OTUD3: variants seen among roughly 807,000 people sequenced by gnomAD.
OTUD3 encodes the protein OTU domain-containing protein 3.
In OTUD3, 24 loss-of-function variants were observed where a neutral mutation model predicts 46.2. The observed-to-expected ratio is 0.52, with a 90% CI of 0.38 to 0.73. The LOEUF is 0.73. Ranked by LOEUF, OTUD3 falls within the 30% of genes least tolerant of loss-of-function variation. The pLI is 0.00. For synonymous variants in OTUD3, 189 were observed against 195.4 expected (o/e 0.97, Z 0.27); for missense variants, 455 against 523.3 (o/e 0.87, Z 1.27).
intron 4 of OTUD3, among the ~76,000 whole-genome samples, chr1:19,901,540 A>G (rs944093834): frequency 6.6e-6 from 1 of 152,200 alleles, no homozygotes; most frequent in Non-Finnish European, 1.5e-5. Flanking sequence ...ATAACATAAA[A>G]TTAATCATTT....
intron 1 of OTUD3, among the ~76,000 whole-genome samples, chr1:19,884,809 G>A (rs1299325202): frequency 6.6e-6 from 1 of 152,046 alleles, no homozygotes; most frequent in Non-Finnish European, 1.5e-5. Context: ...CCACATCTCC[G>A]GTCCCTTGAG....
At chr1:19,906,116 T>C (rs926237857) in intron 6 of OTUD3, among the ~76,000 whole-genome samples, 1 of 152,258 alleles carries the variant, frequency 6.6e-6, no homozygotes, top group Non-Finnish European at 1.5e-5. Context: ...GCCTGTTTCT[T>C]TTCTGGGTTT....
rs199722871 is a variant in OTUD3 at position 19,907,729 on chromosome 1, G to A, written c.1180G>A (p.Ala394Thr). Residue 394 changes from alanine to threonine, a missense_variant, in exon 8 of 8, where the codon GCC becomes ACC. Coordinates refer to ENST00000375120, the MANE Select transcript of OTUD3 (RefSeq NM_015207.2). ...NTQVTLVKTF[A>T]ALNI The stretch of plus-strand genomic sequence containing the variant: ...GCAGGTCACCTTGGTGAAGACCTTC[G>A]CCGCTCTCAACATCTGACTCTTTGG... 2.7e-4 allele frequency: 437 copies of A among 1,614,136 alleles called. 3 individuals carry two copies. Among genetic ancestry groups the A allele is most frequent in the Middle Eastern group, 1.7e-4 (1 of 6,046 alleles).
At position 19,889,893 on chromosome 1, in the gene OTUD3, A is replaced by G. The variant is rs116660216; in HGVS notation, c.222-492A>G. Among the ~76,000 whole-genome samples the G allele has an allele frequency of 2.4e-3, 364 of 152,328 alleles. 1 individual carries two copies. Among genetic ancestry groups the G allele is most frequent in the Admixed American group, 4.4e-3 (68 of 15,300 alleles). On this transcript the variant is annotated intron_variant, in intron 1 of 7. Coordinates refer to ENST00000375120, the MANE Select transcript of OTUD3 (RefSeq NM_015207.2). ...GTATTGTTCAGTTGTTAGTATTGGC[A>G]GCTTGACAAATTGCTATTTTTTGGG...
chr1:19,888,901 C>T (rs2045408696), intron 1 of OTUD3, among the ~76,000 whole-genome samples: 1 of 152,182 alleles, frequency 6.6e-6, no homozygotes, highest in Admixed American at 6.5e-5. Flanking sequence ...TCTACACCTA[C>T]TTTTTTGGAG....
intron 4 of OTUD3, among the ~76,000 whole-genome samples, chr1:19,902,191 T>C (rs1272168357): frequency 6.6e-6 from 1 of 152,158 alleles, no homozygotes. Flanking sequence ...TCTTAAATGG[T>C]CATCCTAGTT....
In OTUD3 at chr1:19,900,442, G is replaced by A. The variant is rs1027786816; in HGVS notation, c.606+2780G>A. Among the ~76,000 whole-genome samples, 8 of 151,862 alleles carry A rather than the reference G, an allele frequency of 5.3e-5. No homozygotes were observed. In the East Asian group the frequency reaches 9.7e-4, roughly 18 times the overall value. On this transcript the variant is annotated intron_variant, in intron 4 of 7. Transcript: ENST00000375120. ...TGGACTCAAGCAACCCTCCTGCCTC[G>A]ACCACCCAAAGTGTTGAGATTACAG...
chr1:19,906,704 T>A, intron 7 of OTUD3, 88 bp downstream of exon 7: 1 of 1,201,184 alleles, frequency 8.3e-7, no homozygotes, highest in Non-Finnish European at 1.1e-6. Context: ...TTATTTGTAT[T>A]TTCCTTCTGA....
chr1:19,887,937 A>G (rs986810667), intron 1 of OTUD3, among the ~76,000 whole-genome samples: 16 of 152,276 alleles, frequency 1.1e-4, no homozygotes, highest in Non-Finnish European at 1.6e-4. Flanking sequence ...GTGTGTTGCA[A>G]TATTGTCTAA....
At chr1:19,897,397 T>C in intron 3 of OTUD3, 143 bp from the exon 4 acceptor site, 1 of 652,272 alleles carries the variant, frequency 1.5e-6, no homozygotes, top group Non-Finnish European at 2.6e-6. Context: ...TGGAAATTGC[T>C]TGTGACATAT....
chr1:19,894,645 C>T (rs2045493022), intron 3 of OTUD3, among the ~76,000 whole-genome samples, 165 bp downstream of exon 3: 1 of 152,256 alleles, frequency 6.6e-6, no homozygotes, highest in South Asian at 2.1e-4. Flanking sequence ...GAAGTAATCC[C>T]TGTGCTATGT....
chr1:19,901,556 T>C (rs2045590616), intron 4 of OTUD3, among the ~76,000 whole-genome samples: 1 of 152,178 alleles, frequency 6.6e-6, no homozygotes, highest in Non-Finnish European at 1.5e-5. Context: ...CATTTAAAAA[T>C]ATATAGTCCA....
Position 19,897,551 on chromosome 1 carries a change from A to G in OTUD3, c.495A>G (p.Thr165=), listed in dbSNP as rs2100288595. ...TCTTTTGTCTACAGATTCGTGGTAC[A>G]GAGAAAAGCAGCGTGAGGGAGTTAC... The part of the protein sequence containing the change: ...LNAPLWQIRG[T]EKSSVRELHI... The change falls in exon 4 of 8, where the codon ACA becomes ACG. Residue 165 remains threonine (T), a synonymous_variant. Coordinates refer to ENST00000375120, the MANE Select transcript of OTUD3 (RefSeq NM_015207.2). The G allele has an allele frequency of 2.5e-6, 4 of 1,614,002 alleles. No individual in the cohort carries two copies. The highest frequency in any genetic ancestry group is 3.4e-6 in the Non-Finnish European group (4 of 1,179,936).
intron 1 of OTUD3, among the ~76,000 whole-genome samples, chr1:19,885,264 G>A (rs1457408389): frequency 6.6e-6 from 1 of 152,144 alleles, no homozygotes; most frequent in Non-Finnish European, 1.5e-5. Context: ...TAAAATGATC[G>A]TATTTCCTCT....
At chr1:19,887,572 CTATAT>C (rs1381982723) in intron 1 of OTUD3, among the ~76,000 whole-genome samples, 1 of 152,142 alleles carries the variant, frequency 6.6e-6, no homozygotes, top group Non-Finnish European at 1.5e-5. Context: ...AATCCTGAGT[CTATAT>C]AGTCTACCTC....
intron 5 of OTUD3, 41 bp downstream of exon 5, chr1:19,904,439 A>C (rs550820354): frequency 1.3e-6 from 2 of 1,582,232 alleles, no homozygotes; most frequent in East Asian, 2.2e-5. Flanking sequence ...AGAAGCAAGC[A>C]TTGCTGTGCC....
At chr1:19,891,317 GC>G (rs2045442852) in intron 2 of OTUD3, among the ~76,000 whole-genome samples, 1 of 152,198 alleles carries the variant, frequency 6.6e-6, no homozygotes, top group South Asian at 2.1e-4. Flanking sequence ...GATCTACTGT[GC>G]TTGCTGCTGA....
In OTUD3 at chr1:19,904,275, G is replaced by A. The variant is rs2045628952; in HGVS notation, c.615G>A (p.Met205Ile). 1 of 1,598,420 alleles carries A rather than the reference G, an allele frequency of 6.3e-7. No homozygotes were observed. The highest frequency in any genetic ancestry group is 1.8e-5 in the Admixed American group (1 of 56,010). ...TTACTTGTTTCCTTTAGTTTCAGAT[G>A]CTTCATCAAGATGAATCAAATAAAA... ...APAHLQTDFQ[M>I]LHQDESNKRE... The change falls in exon 5 of 8, where the codon ATG (methionine) becomes ATA (isoleucine). Residue 205 changes from methionine to isoleucine, a missense_variant. Met to Ile is a conservative substitution (Grantham distance 10, BLOSUM62 1). Coordinates refer to ENST00000375120, the MANE Select transcript of OTUD3 (RefSeq NM_015207.2).
intron 3 of OTUD3, among the ~76,000 whole-genome samples, chr1:19,896,484 C>CT (rs2045520395): frequency 6.6e-6 from 1 of 152,094 alleles, no homozygotes; most frequent in Non-Finnish European, 1.5e-5. Context: ...ATGGTGCTCT[C>CT]TATTTTGTAT....
Sources: allele counts gnomAD v4.1 joint callset (sites outside exome capture counted in the v4.1 genomes callset), GRCh38; gene constraint gnomAD v4.1.1; transcripts MANE v1.5; gene names NCBI Gene and HGNC (gene_info 2026-07-23, HGNC 2026-07-21).